TMEM268: variants seen among roughly 807,000 people sequenced by gnomAD.
TMEM268 encodes transmembrane protein 268, also known as transmembrane protein C9orf91.
A neutral mutation model predicts 39.1 loss-of-function variants in TMEM268; 24 were observed. The ratio of observed to expected loss-of-function variants is 0.61; its 90% confidence interval spans 0.44 to 0.86. TMEM268 has a LOEUF of 0.86. Among genes scored for constraint, TMEM268 ranks in the 40% least tolerant of loss-of-function variants. TMEM268 has a pLI of 0.00. For synonymous variants in TMEM268, 176 were observed against 173.5 expected, an observed-to-expected ratio of 1.01 and a Z score of -0.12; for missense variants, 409 against 428.6, an observed-to-expected ratio of 0.95 and a Z score of 0.40.
chr9:114,634,226 T>A (rs2133688009), intron 6 of TMEM268, among the ~76,000 whole-genome samples: 2 of 152,334 alleles, frequency 1.3e-5, no homozygotes, highest in South Asian at 4.1e-4. Context: ...GCAAGGTCCC[T>A]GTCCTGGCAG....
intron 6 of TMEM268, 106 bp from the exon 7 acceptor site, chr9:114,636,884 G>T: frequency 1.4e-6 from 1 of 698,194 alleles, no homozygotes; most frequent in Non-Finnish European, 2.6e-6. Context: ...GTGCCAAATG[G>T]CACCTTCCTG....
intron 6 of TMEM268, 137 bp downstream of exon 6, chr9:114,634,015 C>T: frequency 2.1e-6 from 1 of 486,854 alleles, no homozygotes; most frequent in Non-Finnish European, 3.7e-6. Flanking sequence ...GCAGCCCTTT[C>T]CTTCCTCCCT....
chr9:114,617,241 C>G lies in TMEM268; in HGVS notation c.46C>G (p.Pro16Ala). 6.2e-7 allele frequency: 1 copy of G among 1,612,092 alleles called. No individual in the cohort carries two copies. The highest frequency in any genetic ancestry group is 8.5e-7 in the Non-Finnish European group (1 of 1,179,100). The change falls in exon 2 of 9, where the codon CCC becomes GCC. Residue 16 changes from proline to alanine, a missense_variant. Physicochemically the swap from Pro to Ala is conservative, Grantham distance 27. Transcript: ENST00000288502. ...QVDPGATGPL[P>A]PSSPGWSALP... is the part of the protein sequence containing the mutation. ...GGACCCGGGGGCCACTGGCCCATTGCCCCCCTCCTCCCCTGGCTGGAGTGC... is the reference window on the plus strand; with the variant it reads ...GGACCCGGGGGCCACTGGCCCATTGGCCCCCTCCTCCCCTGGCTGGAGTGC...
At chr9:114,642,353 TTTTC>T (rs1029646131) in intron 8 of TMEM268, among the ~76,000 whole-genome samples, 24 of 146,498 alleles carry the variant, frequency 1.6e-4, no homozygotes, top group Non-Finnish European at 3.2e-4. Context: ...TTTTTTATGT[TTTTC>T]TTTCTTTTTT....
upstream of TMEM268, among the ~76,000 whole-genome samples, chr9:114,608,646 G>A (rs1263567819): frequency 6.6e-6 from 1 of 152,192 alleles, no homozygotes; most frequent in Non-Finnish European, 1.5e-5. Flanking sequence ...AGTGAGTAAA[G>A]CTTCAATATC....
intron 4 of TMEM268, 87 bp from the exon 5 acceptor site, chr9:114,628,014 T>C: frequency 7.1e-7 from 1 of 1,413,124 alleles, no homozygotes; most frequent in Admixed American, 1.7e-5. Context: ...AGGGTATCAG[T>C]AGTGTCTGAA....
upstream of TMEM268, among the ~76,000 whole-genome samples, chr9:114,608,834 T>C (rs1225430837): frequency 6.6e-6 from 1 of 152,184 alleles, no homozygotes; most frequent in Non-Finnish European, 1.5e-5. Context: ...ACTTCATTTT[T>C]AGTAGCCCAC....
chr9:114,627,447 T>C (rs1175787581), intron 4 of TMEM268, among the ~76,000 whole-genome samples: 1 of 152,218 alleles, frequency 6.6e-6, no homozygotes, highest in Non-Finnish European at 1.5e-5. Flanking sequence ...CATCTTCATA[T>C]TGATACATAT....
chr9:114,616,501 G>A (rs1845719627), intron 1 of TMEM268, among the ~76,000 whole-genome samples: 2 of 151,940 alleles, frequency 1.3e-5, no homozygotes, highest in South Asian at 4.1e-4. Context: ...GAGTAGCTGG[G>A]ATTACAAGTG....
the TMEM268 span, among the ~76,000 whole-genome samples, chr9:114,605,537 C>T: frequency 6.6e-6 from 1 of 152,044 alleles, no homozygotes; most frequent in Non-Finnish European, 1.5e-5. Context: ...GAATTTAAAG[C>T]CATAGTTTAC....
At chr9:114,636,026 C>T (rs560442614) in intron 6 of TMEM268, among the ~76,000 whole-genome samples, 1 of 152,300 alleles carries the variant, frequency 6.6e-6, no homozygotes, top group South Asian at 2.1e-4. Context: ...CTTTGGGTCT[C>T]ATGGGTCAGT....
chr9:114,606,884 C>A (rs1052522496), upstream of TMEM268, among the ~76,000 whole-genome samples: 1 of 151,978 alleles, frequency 6.6e-6, no homozygotes, highest in African/African-American at 2.4e-5. Context: ...CCAAAAAACA[C>A]CAAGATGTAA....
chr9:114,615,177 G>T (rs1375989856), intron 1 of TMEM268, among the ~76,000 whole-genome samples: 2 of 152,120 alleles, frequency 1.3e-5, no homozygotes, highest in Admixed American at 1.3e-4. Context: ...GATTACAGGC[G>T]TGAGCCACCG....
At chr9:114,621,583 G>A (rs1383001040) in intron 2 of TMEM268, among the ~76,000 whole-genome samples, 4 of 152,280 alleles carry the variant, frequency 2.6e-5, no homozygotes, top group African/African-American at 4.8e-5. Context: ...GGAGAAGAGC[G>A]TCAGTTATGG....
chr9:114,624,805 T>C (rs548881526), intron 3 of TMEM268, among the ~76,000 whole-genome samples: 87 of 152,296 alleles, frequency 5.7e-4, no homozygotes, highest in African/African-American at 2.1e-3. Flanking sequence ...AGAAGAGGAA[T>C]GCACAGGCAG....
chr9:114,636,279 C>A (rs1000645186), intron 6 of TMEM268, among the ~76,000 whole-genome samples: 2 of 152,140 alleles, frequency 1.3e-5, no homozygotes, highest in Admixed American at 1.3e-4. Flanking sequence ...TCCCCACAGG[C>A]AACCAGGTTG....
chr9:114,646,368 T>C lies in TMEM268; in HGVS notation c.*3055T>C, dbSNP rs985293342. 6.6e-6 allele frequency: 1 copy of C among 152,304 alleles called. No homozygotes were observed. Among genetic ancestry groups the C allele is most frequent in the Non-Finnish European group, 1.5e-5 (1 of 68,044 alleles). The allele number at this position is 152,304 out of a possible 1,614,324, so 9.4% of individuals were successfully genotyped here. A position where few individuals can be genotyped will look rare whatever the true frequency, so the allele number is the denominator to read the frequency against. On this transcript the variant is annotated 3_prime_UTR_variant, in exon 9 of 9. Transcript: ENST00000288502. ...ATGGTGTAAAAAAATGTCAAGTGCTTGCAACTTTGAATACCAAACTTGAGT... is the reference window on the plus strand; with the variant it reads ...ATGGTGTAAAAAAATGTCAAGTGCTCGCAACTTTGAATACCAAACTTGAGT...
intron 3 of TMEM268, among the ~76,000 whole-genome samples, chr9:114,624,953 A>G (rs79694353): frequency 6.6e-6 from 1 of 152,192 alleles, no homozygotes; most frequent in Admixed American, 6.5e-5. Context: ...GAGGAAGGGC[A>G]TTTTAGGAGA....
the TMEM268 span, among the ~76,000 whole-genome samples, chr9:114,605,713 G>A: frequency 6.6e-6 from 1 of 152,068 alleles, no homozygotes. Context: ...TTGAGCTTAG[G>A]TGATCGATGC....
Sources: allele counts gnomAD v4.1 joint callset (sites outside exome capture counted in the v4.1 genomes callset), GRCh38; gene constraint gnomAD v4.1.1; transcripts MANE v1.5; gene names NCBI Gene and HGNC (gene_info 2026-07-23, HGNC 2026-07-21).